The following GAL3ST4 variants were observed in gnomAD, a reference collection of about 807,000 sequenced individuals.
GAL3ST4 encodes beta-galactose-3-O-sulfotransferase 4.
A neutral mutation model predicts 31.6 loss-of-function variants in GAL3ST4; 30 were observed. The observed-to-expected ratio is 0.95, with a 90% CI of 0.71 to 1.29. GAL3ST4 has a LOEUF of 1.29. GAL3ST4 is among the 50% of genes most tolerant of loss of function. The probability of loss-of-function intolerance (pLI) is 0.00; values close to 1 mark genes in which losing one functional copy is unlikely to be tolerated. For synonymous variants in GAL3ST4, 248 were observed against 256.9 expected, an observed-to-expected ratio of 0.97 and a Z score of 0.33; for missense variants, 629 against 625.2, an observed-to-expected ratio of 1.01 and a Z score of -0.06.
At chr7:100,165,721 T>C (rs893777239) in intron 3 of GAL3ST4, among the ~76,000 whole-genome samples, 3 of 151,530 alleles carry the variant, frequency 2.0e-5, no homozygotes, top group African/African-American at 4.9e-5. Context: ...GTTGGGAGGC[T>C]GAGGTGAGAG....
intron 3 of GAL3ST4, 72 bp downstream of exon 3, chr7:100,166,430 G>A (rs1393611199): frequency 1.3e-6 from 2 of 1,490,090 alleles, no homozygotes; most frequent in Non-Finnish European, 1.8e-6. Flanking sequence ...CCAGGTCTGG[G>A]CCCCCTCCCT....
At position 100,159,852 on chromosome 7, in the gene GAL3ST4, C is replaced by CTT. The variant is rs751699797; in HGVS notation, c.*75_*76insAA. On this transcript the variant is annotated 3_prime_UTR_variant, in exon 4 of 4. Transcript: ENST00000360039. ...TCCCTTCTGGGAGATGCAGAAATGG[C>CTT]ATCTTGCTGCCCCCCACTCATCACA... 73 of 1,239,672 alleles carry CTT rather than the reference C, an allele frequency of 5.9e-5. No homozygotes were observed. Among genetic ancestry groups the CTT allele is most frequent in the Non-Finnish European group, 7.8e-5 (69 of 880,048 alleles). The allele number at this position is 1,239,672 out of a possible 1,614,324, so 76.8% of individuals were successfully genotyped here.
chr7:100,160,874 T>C lies in GAL3ST4; in HGVS notation c.515A>G (p.Tyr172Cys), dbSNP rs1291155477. Residue 172 changes from tyrosine (Y) to cysteine (C), a missense_variant, in exon 4 of 4, where the codon TAT becomes TGT. By Grantham distance (194) the Tyr-to-Cys change is radical. Coordinates refer to ENST00000360039, the MANE Select transcript of GAL3ST4 (RefSeq NM_024637.5). ...AALARSAFSY[Y>C]KSTSSAFRKS... ...GCGGAAGGCTGATGAGGTGGATTTATAGTAGGAGAAGGCAGAGCGAGCCAG... is the reference window on the plus strand; with the variant it reads ...GCGGAAGGCTGATGAGGTGGATTTACAGTAGGAGAAGGCAGAGCGAGCCAG... 6.2e-7 allele frequency: 1 copy of C among 1,613,966 alleles called. No individual in the cohort carries two copies. Among genetic ancestry groups the C allele is most frequent in the Non-Finnish European group, 8.5e-7 (1 of 1,179,986 alleles).
chr7:100,167,349 T>A, intron 1 of GAL3ST4, 66 bp from the exon 2 acceptor site: 1 of 809,414 alleles, frequency 1.2e-6, no homozygotes, highest in Non-Finnish European at 1.8e-6. Flanking sequence ...CCTTCTCTCC[T>A]GCTGCAGCTG....
chr7:100,164,613 C>T (rs767163805), intron 3 of GAL3ST4, among the ~76,000 whole-genome samples: 7 of 151,952 alleles, frequency 4.6e-5, no homozygotes, highest in Non-Finnish European at 7.4e-5. Context: ...GAGCTGAGAT[C>T]GTGCCACTGC....
At chr7:100,164,586 G>T (rs1799045545) in intron 3 of GAL3ST4, among the ~76,000 whole-genome samples, 1 of 152,088 alleles carries the variant, frequency 6.6e-6, no homozygotes, top group Non-Finnish European at 1.5e-5. Context: ...TTGAACCCGG[G>T]AGGCAGAGGT....
chr7:100,166,286 C>A (rs975051532), intron 3 of GAL3ST4, among the ~76,000 whole-genome samples: 2 of 152,084 alleles, frequency 1.3e-5, no homozygotes, highest in Non-Finnish European at 2.9e-5. Flanking sequence ...GGAGTAAGCG[C>A]CAGAGAGAGA....
rs143955532 is a variant in GAL3ST4 at position 100,168,003 on chromosome 7, G to GACACACACACACACACACACACAC, written c.-189+542_-189+543insGTGTGTGTGTGTGTGTGTGTGTGT. 50 of 144,946 alleles carry GACACACACACACACACACACACAC rather than the reference G, an allele frequency of 3.4e-4. No individual in the cohort carries two copies. The highest frequency in any genetic ancestry group is 3.5e-3 in the Middle Eastern group (1 of 288). The allele number at this position is 144,946 out of a possible 1,614,324, so 9.0% of individuals were successfully genotyped here. A position where few individuals can be genotyped will look rare whatever the true frequency, so the allele number is the denominator to read the frequency against. On this transcript the variant is annotated intron_variant, in intron 1 of 3. Coordinates refer to ENST00000360039, the MANE Select transcript of GAL3ST4 (RefSeq NM_024637.5). The surrounding 1 kb of genome is among the most constrained non-coding windows in gnomAD (Gnocchi z 4.1). ...CTGGAGAGGGAGACAGAAAGAGAGA[G>GACACACACACACACACACACACAC]AGACACACACACACACACACACACA...
At position 100,160,268 on chromosome 7, in the gene GAL3ST4, T is replaced by G; in HGVS notation, c.1121A>C (p.Asn374Thr). 6.2e-7 allele frequency: 1 copy of G among 1,614,030 alleles called. No homozygotes were observed. Among genetic ancestry groups the G allele is most frequent in the Non-Finnish European group, 8.5e-7 (1 of 1,180,000 alleles). ...CTCTATCCGTGCCCAGAGACTGCGG[T>G]TGAAGTGGACATAGAGAGCCCAGTC... is the stretch of plus-strand genomic sequence containing the variant. Reference protein sequence around the residue: ...NLDWALYVHFNRSLWARIEKY... With the variant: ...NLDWALYVHFTRSLWARIEKY... Residue 374 changes from asparagine (N) to threonine (T), a missense_variant, in exon 4 of 4, where the codon AAC becomes ACC. Physicochemically the swap from Asn to Thr is moderately conservative, Grantham distance 65. Coordinates refer to ENST00000360039, the MANE Select transcript of GAL3ST4 (RefSeq NM_024637.5).
chr7:100,167,975 G>T, intron 1 of GAL3ST4: 1 of 151,584 alleles, frequency 6.6e-6, no homozygotes, highest in Non-Finnish European at 1.5e-5. Context: ...TGAAAGGGTG[G>T]GGCTGGAGAG....
chr7:100,166,741 G>C lies in GAL3ST4; in HGVS notation c.190C>G (p.Pro64Ala), dbSNP rs1373401174. ...AGGAACACCAGTCGCTGCCGGGGTGGGCAGGACGGAAGGGCTGGTCGTAGG... is the reference window on the plus strand; with the variant it reads ...AGGAACACCAGTCGCTGCCGGGGTGCGCAGGACGGAAGGGCTGGTCGTAGG... ...PSLRPALPSCPPRQRLVFLKT... is the reference protein window; with the variant it reads ...PSLRPALPSCAPRQRLVFLKT... Residue 64 changes from proline to alanine, a missense_variant, in exon 3 of 4, where the codon CCA becomes GCA. Physicochemically the swap from Pro to Ala is conservative, Grantham distance 27. Transcript: ENST00000360039. The C allele has an allele frequency of 2.5e-6, 4 of 1,613,898 alleles. No homozygotes were observed. The highest frequency in any genetic ancestry group is 2.5e-6 in the Non-Finnish European group (3 of 1,179,910).
At chr7:100,164,382 C>T (rs1056520964) in intron 3 of GAL3ST4, among the ~76,000 whole-genome samples, 7 of 152,088 alleles carry the variant, frequency 4.6e-5, no homozygotes, top group East Asian at 1.9e-4. Flanking sequence ...CCCCCGCTCT[C>T]GGCTGGGCAC....
Position 100,159,557 on chromosome 7 carries a change from TAAAAA to T in GAL3ST4, c.*366_*370del. ...AACCAACATGTTGAATCCCTGTCTC[TAAAAA>T]TATAAAAATTAGCCGGGTATGGTGG... On this transcript the variant is annotated 3_prime_UTR_variant, in exon 4 of 4. Coordinates refer to ENST00000360039, the MANE Select transcript of GAL3ST4 (RefSeq NM_024637.5). 1 of 178,860 alleles carries T rather than the reference TAAAAA, an allele frequency of 5.6e-6. No individual in the cohort carries two copies. Among genetic ancestry groups the T allele is most frequent in the Admixed American group, 5.5e-5 (1 of 18,250 alleles). 11.1% of individuals were successfully genotyped at this position (178,860 alleles called of 1,614,324 possible).
rs1798964163 is a variant in GAL3ST4, at chr7:100,159,721, A to G, written c.*207T>C. On this transcript the variant is annotated 3_prime_UTR_variant, in exon 4 of 4. Transcript: ENST00000360039. ...GGGGACAGAGCAAGACTCCGTTTCA[A>G]AAAAAAAAAAAGTTGGGGGGAAAGA... 2 of 437,438 alleles carry G rather than the reference A, an allele frequency of 4.6e-6. No homozygotes were observed. 27.1% of individuals were successfully genotyped at this position (437,438 alleles called of 1,614,324 possible). A position where few individuals can be genotyped will look rare whatever the true frequency, so the allele number is the denominator to read the frequency against.
Position 100,167,046 on chromosome 7 carries a change from C to T in GAL3ST4, c.50G>A (p.Ser17Asn), listed in dbSNP as rs373502650. Residue 17 changes from serine (S) to asparagine (N), a missense_variant, in exon 2 of 4, where the codon AGC (serine) becomes AAC (asparagine). Physicochemically the swap from Ser to Asn is conservative, Grantham distance 46. Transcript: ENST00000360039. ...ARTLRLWGPR[S>N]LGVALGVFMT... The stretch of plus-strand genomic sequence containing the variant: ...GAAGACTCCCAGAGCCACCCCCAGG[C>T]TCCGAGGTCCCCAGAGCCGCAGCGT... The T allele has an allele frequency of 6.4e-7, 1 of 1,562,384 alleles. No individual in the cohort carries two copies. Among genetic ancestry groups the T allele is most frequent in the South Asian group, 1.2e-5 (1 of 84,786 alleles).
chr7:100,161,024 C>T (rs1798996467), intron 3 of GAL3ST4, 65 bp from the exon 4 acceptor site: 4 of 1,380,466 alleles, frequency 2.9e-6, no homozygotes, highest in Admixed American at 5.2e-5. Flanking sequence ...TAAGTATGCA[C>T]AAGCCATGTG....
chr7:100,162,510 A>G lies in GAL3ST4; in HGVS notation c.430-1551T>C, dbSNP rs1334546432. On this transcript the variant is annotated intron_variant, in intron 3 of 3. Coordinates refer to ENST00000360039, the MANE Select transcript of GAL3ST4 (RefSeq NM_024637.5). Reference sequence around the variant, plus strand: ...CAGTGAGCCGAGATCGCGCCACTGCACTCCAGCCTGGGCAGCAAAGTGAGA... The same window carrying G: ...CAGTGAGCCGAGATCGCGCCACTGCGCTCCAGCCTGGGCAGCAAAGTGAGA... 4.1e-5 allele frequency among the ~76,000 whole-genome samples: 6 copies of G among 147,810 alleles called. No homozygotes were observed. The East Asian group carries it at 7.9e-4, about 19-fold the overall frequency.
At chr7:100,162,894 GA>G (rs895823852) in intron 3 of GAL3ST4, among the ~76,000 whole-genome samples, 5 of 150,756 alleles carry the variant, frequency 3.3e-5, no homozygotes, top group Non-Finnish European at 7.4e-5. Flanking sequence ...AAAAGAAAAA[GA>G]AAAAAAAAGA....
rs1798981388 is a variant in GAL3ST4, at chr7:100,160,480, C to T, written c.909G>A (p.Val303=). The change falls in exon 4 of 4, where the codon GTG becomes GTA. Residue 303 remains valine (V), a synonymous_variant. Coordinates refer to ENST00000360039, the MANE Select transcript of GAL3ST4 (RefSeq NM_024637.5). ...WLDSVFDLVM[V]AEYFDESLVL... ...CCAATGACTCATCGAAGTACTCAGC[C>T]ACCATGACCAGGTCAAAGACAGAGT... 6.2e-7 allele frequency: 1 copy of T among 1,614,092 alleles called. No individual in the cohort carries two copies. The highest frequency in any genetic ancestry group is 8.5e-7 in the Non-Finnish European group (1 of 1,180,026).
Sources: gnomAD v4.1 joint callset for allele counts (sites outside exome capture counted in the v4.1 genomes callset) on GRCh38, gnomAD v4.1.1 for gene constraint, Gnocchi (gnomAD v3.1) non-coding constraint, MANE v1.5 for transcripts, NCBI Gene and HGNC (gene_info 2026-07-23, HGNC 2026-07-21) for gene names.